MTF2: variants seen among roughly 807,000 people sequenced by gnomAD.
MTF2 encodes the protein metal response element binding transcription factor 2, also known as metal-response element-binding transcription factor 2.
MTF2 carries 11 observed loss-of-function variants against 79.5 expected under a neutral mutation model. The observed-to-expected ratio is 0.14, with a 90% CI of 0.09 to 0.23. MTF2 has a LOEUF of 0.23. Ranked by LOEUF, MTF2 falls within the 10% of genes least tolerant of loss-of-function variation. The pLI is 1.00. For missense variants in MTF2, 486 were observed against 711.2 expected (o/e 0.68, Z 3.60); for synonymous variants, 208 against 232.8 (o/e 0.89, Z 0.97).
chr1:93,134,920 C>T (rs1647324175), intron 14 of MTF2, among the ~76,000 whole-genome samples: 1 of 151,562 alleles, frequency 6.6e-6, no homozygotes, highest in African/African-American at 2.4e-5. Context: ...AGCAGACTCC[C>T]CTCTGATATC....
chr1:93,115,749 A>C (rs1557553671), intron 6 of MTF2, 131 bp downstream of exon 6: 1 of 611,316 alleles, frequency 1.6e-6, no homozygotes, highest in African/African-American at 1.9e-5. Flanking sequence ...CCAGGGGGAA[A>C]ATCTATTATT....
intron 1 of MTF2, among the ~76,000 whole-genome samples, chr1:93,087,443 G>T (rs1028693283): frequency 6.6e-6 from 1 of 151,818 alleles, no homozygotes; most frequent in Non-Finnish European, 1.5e-5. Flanking sequence ...GTGGTGGCAC[G>T]CACCTGTAAT....
chr1:93,116,087 AAGTG>A (rs1656237334), intron 6 of MTF2, among the ~76,000 whole-genome samples: 2 of 152,202 alleles, frequency 1.3e-5, no homozygotes, highest in South Asian at 4.1e-4. Context: ...TTCTTTCTTA[AAGTG>A]ATAGGGCACA....
chr1:93,120,922 G>T (rs1656450193), intron 9 of MTF2: 1 of 1,156,482 alleles, frequency 8.6e-7, no homozygotes, highest in Non-Finnish European at 1.1e-6. Context: ...TTCATTTTCT[G>T]AAGTGAAAGT....
intron 9 of MTF2, chr1:93,121,216 C>T: frequency 1.0e-6 from 1 of 968,822 alleles, no homozygotes; most frequent in Non-Finnish European, 1.2e-6. Context: ...AGTGTAACTA[C>T]CTATGCTGGT....
intron 1 of MTF2, among the ~76,000 whole-genome samples, chr1:93,090,664 G>GT (rs373876716): frequency 0.11 from 14,702 of 139,104 alleles, 945 homozygotes; most frequent in Admixed American, 0.19. Context: ...ATTTTTCCTA[G>GT]TTTTTTTTTT....
At chr1:93,096,040 G>A (rs1347538645) in intron 1 of MTF2, among the ~76,000 whole-genome samples, 1 of 152,154 alleles carries the variant, frequency 6.6e-6, no homozygotes, top group South Asian at 2.1e-4. Context: ...GTTCTGTAGA[G>A]CAAAGGATTT....
rs1044683732 is a variant in MTF2 at position 93,120,663 on chromosome 1, C to G, written c.912C>G (p.His304Gln). The G allele has an allele frequency of 6.2e-7, 1 of 1,607,684 alleles. No homozygotes were observed. ...TYINENWDRL[H>Q]PGELADTPKS... ...TTAATGAAAACTGGGATAGATTGCA[C>G]CCTGGAGAGGTAGGTGGTCTGAGAA... The change falls in exon 9 of 15, where the codon CAC becomes CAG. Residue 304 changes from histidine to glutamine, a missense_variant. Physicochemically the swap from His to Gln is conservative, Grantham distance 24. This residue lies in a region of MTF2 where 177 missense variants were observed against 364.0 expected (regional missense o/e 0.49). Transcript: ENST00000370298.
chr1:93,120,943 A>G, intron 9 of MTF2: 2 of 1,129,584 alleles, frequency 1.8e-6, no homozygotes, highest in South Asian at 4.6e-5. Context: ...CATTGTAGTT[A>G]AAGATAGAAG....
intron 6 of MTF2, among the ~76,000 whole-genome samples, chr1:93,117,558 G>A (rs368005096): frequency 4.6e-5 from 7 of 152,136 alleles, no homozygotes; most frequent in African/African-American, 1.7e-4. Flanking sequence ...TGTTAAGCAG[G>A]TTTATTAAAT....
chr1:93,119,252 A>T, intron 7 of MTF2, 81 bp from the exon 8 acceptor site: 1 of 947,100 alleles, frequency 1.1e-6, no homozygotes, highest in Non-Finnish European at 1.6e-6. Flanking sequence ...TAGGTTATTC[A>T]CTTGGTGAAT....
chr1:93,125,305 T>TC (rs1656649613), intron 9 of MTF2, among the ~76,000 whole-genome samples: 1 of 90,126 alleles, frequency 1.1e-5, no homozygotes, highest in East Asian at 7.1e-4. Context: ...TGTCAGTGTT[T>TC]TTTTTTTTTT....
intron 1 of MTF2, among the ~76,000 whole-genome samples, chr1:93,093,073 T>A (rs943726674): frequency 3.9e-5 from 6 of 151,912 alleles, no homozygotes; most frequent in African/African-American, 1.5e-4. Context: ...TCCCAGCTAC[T>A]TGGGAGGCTG....
At chr1:93,082,348 A>G (rs1443477518) in intron 1 of MTF2, among the ~76,000 whole-genome samples, 3 of 151,040 alleles carry the variant, frequency 2.0e-5, no homozygotes, top group African/African-American at 7.3e-5. Context: ...TGGTGCTATC[A>G]TAACTTGCTG....
At chr1:93,107,802 A>T (rs1282827114) in intron 1 of MTF2, among the ~76,000 whole-genome samples, 32 of 149,438 alleles carry the variant, frequency 2.1e-4, no homozygotes, top group Admixed American at 1.9e-3. Context: ...TTTTCTTTTG[A>T]CAGGTTCTCT....
At chr1:93,101,568 G>GTTTTTGTTTTTTTTTTTTTTTT (rs1655536573) in intron 1 of MTF2, among the ~76,000 whole-genome samples, 1 of 25,398 alleles carries the variant, frequency 3.9e-5, no homozygotes, top group Non-Finnish European at 6.6e-5. Flanking sequence ...GCTCAGGCTG[G>GTTTTTGTTTTTTTTTTTTTTTT]TTTTTTTTTT....
intron 3 of MTF2, 26 bp from the exon 4 acceptor site, chr1:93,114,662 T>C (rs781467138): frequency 3.7e-5 from 57 of 1,555,762 alleles, no homozygotes; most frequent in Non-Finnish European, 4.8e-5. Context: ...ATGACTCTCT[T>C]TTTTAATGTG....
At position 93,129,396 on chromosome 1, in the gene MTF2, C is replaced by A; in HGVS notation, c.1108C>A (p.His370Asn). ...KAEKEPEGTS[H>N]EFKIKGRKAS... The stretch of plus-strand genomic sequence containing the variant: ...AGAGAAAGAACCTGAAGGAACATCT[C>A]ATGAATTTAAAATTAAAGGCAGAAA... Residue 370 changes from histidine (H) to asparagine (N), a missense_variant, in exon 11 of 15, where the codon CAT becomes AAT. Around this residue, in one of 4 missense-constraint regions of MTF2, gnomAD observed 177 missense variants for 364.0 expected, o/e 0.49. Coordinates refer to ENST00000370298, the MANE Select transcript of MTF2 (RefSeq NM_007358.4). 1 of 1,575,854 alleles carries A rather than the reference C, an allele frequency of 6.3e-7. No individual in the cohort carries two copies. The highest frequency in any genetic ancestry group is 8.7e-7 in the Non-Finnish European group (1 of 1,154,070).
At chr1:93,123,523 A>G (rs558374268) in intron 9 of MTF2, among the ~76,000 whole-genome samples, 143 of 152,168 alleles carry the variant, frequency 9.4e-4, no homozygotes, top group African/African-American at 3.2e-3. Context: ...AAATTTTGTA[A>G]TGATATAAGT....
Sources: gnomAD v4.1 joint callset for allele counts (sites outside exome capture counted in the v4.1 genomes callset) on GRCh38, gnomAD v4.1.1 for gene constraint, gnomAD v4.1.1 regional missense constraint, MANE v1.5 for transcripts, NCBI Gene and HGNC (gene_info 2026-07-23, HGNC 2026-07-21) for gene names.